Variants in PDE4D observed in about 807,000 individuals in gnomAD.
PDE4D encodes phosphodiesterase 4D, also known as 3',5'-cyclic-AMP phosphodiesterase 4D.
A neutral mutation model predicts 87.4 loss-of-function variants in PDE4D; 24 were observed. The observed-to-expected ratio is 0.27, with a 90% confidence interval of 0.20 to 0.39. The LOEUF (loss-of-function observed/expected upper bound fraction) is 0.39, where lower values mean the gene tolerates loss of function less well. Among genes scored for constraint, PDE4D ranks in the 10% least tolerant of loss-of-function variants. The pLI is 1.00. For missense variants in PDE4D, 714 were observed against 1,041.0 expected, an observed-to-expected ratio of 0.69 and a Z score of 4.32; for synonymous variants, 384 against 383.2, an observed-to-expected ratio of 1.00 and a Z score of -0.02.
chr5:59,776,823 C>T (rs919094748), intron 1 of PDE4D, among the ~76,000 whole-genome samples: 3 of 151,220 alleles, frequency 2.0e-5, no homozygotes, highest in Non-Finnish European at 4.4e-5. Flanking sequence ...CATGTCTCAC[C>T]GAAGATGAGT....
At chr5:60,449,733 G>C (rs1745945724) in intron 1 of PDE4D, among the ~76,000 whole-genome samples, 1 of 151,434 alleles carries the variant, frequency 6.6e-6, no homozygotes. Flanking sequence ...TTAAACTCCT[G>C]GGCTCAAGAA....
chr5:59,764,028 T>C (rs1411933046), intron 1 of PDE4D, among the ~76,000 whole-genome samples: 2 of 152,114 alleles, frequency 1.3e-5, no homozygotes, highest in Admixed American at 6.5e-5. Context: ...GAAAGATGTA[T>C]TTTTGCAGTG....
At chr5:59,699,846 G>A (rs1471796193) in intron 1 of PDE4D, among the ~76,000 whole-genome samples, 1 of 152,106 alleles carries the variant, frequency 6.6e-6, no homozygotes, top group Non-Finnish European at 1.5e-5. Flanking sequence ...TGCCAATTAA[G>A]TATCAGTATA....
chr5:60,346,394 T>A (rs1385429210), intron 1 of PDE4D, among the ~76,000 whole-genome samples: 3 of 152,216 alleles, frequency 2.0e-5, no homozygotes, highest in African/African-American at 7.2e-5. Context: ...TACAATTTTC[T>A]ATGTTCACCT....
At chr5:60,127,691 G>A (rs1388427036) in intron 2 of PDE4D, 9 of 575,124 alleles carry the variant, frequency 1.6e-5, no homozygotes, top group Non-Finnish European at 2.2e-5. Flanking sequence ...GCTGTGAGGG[G>A]AAAACAGAAT....
At chr5:59,202,132 C>T (rs1178714312) in intron 2 of PDE4D, among the ~76,000 whole-genome samples, 5 of 148,652 alleles carry the variant, frequency 3.4e-5, no homozygotes, top group East Asian at 4.0e-4. Context: ...CTCCGCCTCC[C>T]GGGTTCACGC....
chr5:59,346,088 A>T (rs1174026041), intron 1 of PDE4D, among the ~76,000 whole-genome samples: 2 of 148,798 alleles, frequency 1.3e-5, no homozygotes, highest in African/African-American at 5.1e-5. Flanking sequence ...CACAATATTG[A>T]CTGAAATAAA....
intron 2 of PDE4D, among the ~76,000 whole-genome samples, chr5:60,032,028 CT>C: frequency 6.6e-6 from 1 of 152,104 alleles, no homozygotes; most frequent in East Asian, 1.9e-4. Context: ...TATAAATTAC[CT>C]TTTTAATTAG....
At chr5:59,714,290 G>A (rs746460234) in intron 1 of PDE4D, among the ~76,000 whole-genome samples, 3 of 152,254 alleles carry the variant, frequency 2.0e-5, no homozygotes, top group Non-Finnish European at 4.4e-5. Context: ...AGGAAATGCA[G>A]AAGGGGAAGG....
intron 3 of PDE4D, among the ~76,000 whole-genome samples, chr5:59,965,625 C>A (rs1274099026): frequency 6.6e-6 from 1 of 152,180 alleles, no homozygotes; most frequent in Non-Finnish European, 1.5e-5. Flanking sequence ...ATTATAACCA[C>A]TTCACCTCTC....
intron 1 of PDE4D, chr5:59,276,122 G>GAAAA (rs56153175): frequency 2.2e-4 from 187 of 854,224 alleles, no homozygotes; most frequent in Admixed American, 9.2e-4. Context: ...AGTGAGAAAG[G>GAAAA]AAAAAAAAAA....
intron 2 of PDE4D, among the ~76,000 whole-genome samples, chr5:60,158,066 G>A (rs976398604): frequency 6.6e-6 from 1 of 152,078 alleles, no homozygotes; most frequent in African/African-American, 2.4e-5. Flanking sequence ...GTTATTGTGA[G>A]GATTGCATGA....
chr5:59,160,173 G>A lies in PDE4D; in HGVS notation c.808+20422C>T, dbSNP rs1461624686. The stretch of plus-strand genomic sequence containing the variant: ...GAAATGTAGGAAATCTAAGGATGGA[G>A]ATAAACTAGCCTTAAATTCAGCCTT... On this transcript the variant is annotated intron_variant, in intron 5 of 14. Coordinates refer to ENST00000340635, the MANE Select transcript of PDE4D (RefSeq NM_001104631.2). 2.0e-5 allele frequency among the ~76,000 whole-genome samples: 3 copies of A among 152,192 alleles called. No individual in the cohort carries two copies. The East Asian group carries it at 5.8e-4, about 29-fold the overall frequency.
intron 2 of PDE4D, among the ~76,000 whole-genome samples, chr5:60,114,454 T>C (rs528073982): frequency 5.9e-5 from 9 of 152,196 alleles, no homozygotes; most frequent in African/African-American, 1.9e-4. Flanking sequence ...ACATCCTCAA[T>C]TTACTTGACC....
chr5:59,151,728 A>G (rs1404798362), intron 5 of PDE4D, among the ~76,000 whole-genome samples: 1 of 152,136 alleles, frequency 6.6e-6, no homozygotes, highest in Non-Finnish European at 1.5e-5. Flanking sequence ...CGAAAGCAGA[A>G]GTGAGGAATC....
chr5:59,173,589 T>C (rs1783357970), intron 5 of PDE4D, among the ~76,000 whole-genome samples: 2 of 152,238 alleles, frequency 1.3e-5, no homozygotes, highest in African/African-American at 4.8e-5. Flanking sequence ...ATCAGTTTTT[T>C]ATTAAAGCTA....
At chr5:59,706,011 T>C in intron 1 of PDE4D, among the ~76,000 whole-genome samples, 1 of 152,118 alleles carries the variant, frequency 6.6e-6, no homozygotes, top group East Asian at 1.9e-4. Context: ...TTAAATTAGG[T>C]TTAATATGAT....
intron 2 of PDE4D, among the ~76,000 whole-genome samples, chr5:60,082,447 A>C (rs1774061283): frequency 6.6e-6 from 1 of 152,148 alleles, no homozygotes; most frequent in South Asian, 2.1e-4. Flanking sequence ...TAAGCCACCT[A>C]ATCTATAGTA....
intron 2 of PDE4D, among the ~76,000 whole-genome samples, chr5:60,122,165 T>C (rs544177548): frequency 1.3e-5 from 2 of 152,336 alleles, no homozygotes; most frequent in South Asian, 4.1e-4. Flanking sequence ...GCTGCTTTCA[T>C]GGGCTGGCGT....
Sources: allele counts gnomAD v4.1 joint callset (sites outside exome capture counted in the v4.1 genomes callset), GRCh38; gene constraint gnomAD v4.1.1; transcripts MANE v1.5; gene names NCBI Gene and HGNC (gene_info 2026-07-23, HGNC 2026-07-21).